Variants in ATG10 observed in about 807,000 individuals in gnomAD.
ATG10 encodes autophagy related 10.
In ATG10, 30 loss-of-function variants were observed where a neutral mutation model predicts 32.1. The observed-to-expected ratio is 0.94, with a 90% CI of 0.70 to 1.27. ATG10 has a LOEUF of 1.27. ATG10 is among the 50% of genes most tolerant of loss of function. The pLI, the probability that ATG10 is intolerant of heterozygous loss-of-function variation, is 0.00. For synonymous variants in ATG10, 87 were observed against 91.5 expected (o/e 0.95, Z 0.28); for missense variants, 233 against 262.3 (o/e 0.89, Z 0.77).
At chr5:82,200,832 A>C (rs1294671068) in intron 5 of ATG10, among the ~76,000 whole-genome samples, 1 of 150,826 alleles carries the variant, frequency 6.6e-6, no homozygotes, top group Non-Finnish European at 1.5e-5. Flanking sequence ...AGAGTTTTTA[A>C]TTTGTATGAA....
chr5:82,141,264 T>C (rs1305662214), intron 3 of ATG10, among the ~76,000 whole-genome samples: 1 of 152,048 alleles, frequency 6.6e-6, no homozygotes, highest in Non-Finnish European at 1.5e-5. Flanking sequence ...GAGTAGGATA[T>C]AGTAATTAAT....
At chr5:82,110,781 C>T (rs1033289771) in intron 3 of ATG10, among the ~76,000 whole-genome samples, 4 of 152,006 alleles carry the variant, frequency 2.6e-5, no homozygotes, top group Non-Finnish European at 5.9e-5. Context: ...GTTTCTTTTG[C>T]TGTGCAGAAG....
chr5:82,009,901 C>T (rs1762082422), intron 2 of ATG10: 1 of 1,610,328 alleles, frequency 6.2e-7, no homozygotes, highest in Non-Finnish European at 8.5e-7. Context: ...GTGAAGTCAC[C>T]ACCCTGACAC....
At chr5:82,058,184 A>G (rs1763661080) in intron 2 of ATG10, among the ~76,000 whole-genome samples, 1 of 152,192 alleles carries the variant, frequency 6.6e-6, no homozygotes, top group Non-Finnish European at 1.5e-5. Context: ...TTATGTGACA[A>G]GCTATTTCTA....
intron 3 of ATG10, among the ~76,000 whole-genome samples, chr5:82,100,772 G>GTTTTTT (rs61096885): frequency 4.4e-5 from 5 of 113,990 alleles, no homozygotes; most frequent in Non-Finnish European, 7.1e-5. Flanking sequence ...ACAAGAACTA[G>GTTTTTT]TTTTTTTTTT....
At chr5:82,066,507 G>T (rs1014760252) in intron 3 of ATG10, among the ~76,000 whole-genome samples, 2 of 152,120 alleles carry the variant, frequency 1.3e-5, no homozygotes, top group African/African-American at 2.4e-5. Flanking sequence ...TGGAAGAAAA[G>T]ATTTTTGTCT....
chr5:82,250,129 T>A (rs999606784), intron 5 of ATG10, among the ~76,000 whole-genome samples: 1 of 152,218 alleles, frequency 6.6e-6, no homozygotes, highest in Non-Finnish European at 1.5e-5. Flanking sequence ...ACATTTATCT[T>A]TTTTAAATCC....
chr5:82,141,113 G>T (rs1767108019), intron 3 of ATG10, among the ~76,000 whole-genome samples: 1 of 138,472 alleles, frequency 7.2e-6, no homozygotes, highest in Non-Finnish European at 1.5e-5. Flanking sequence ...CTCTGCCTAG[G>T]AAAACCAGAG....
At chr5:82,232,053 A>G (rs750295866) in intron 5 of ATG10, among the ~76,000 whole-genome samples, 6 of 152,322 alleles carry the variant, frequency 3.9e-5, no homozygotes, top group Non-Finnish European at 5.9e-5. Context: ...GTTGCCAGAC[A>G]TAAGTATCTG....
intron 1 of ATG10, among the ~76,000 whole-genome samples, chr5:81,978,083 T>C (rs866442700): frequency 1.2e-4 from 19 of 152,220 alleles, no homozygotes; most frequent in Non-Finnish European, 1.0e-4. Flanking sequence ...TTGGTCTTTT[T>C]TTTTGAGGCG....
At chr5:82,020,471 A>G (rs774826780) in intron 2 of ATG10, among the ~76,000 whole-genome samples, 3 of 152,350 alleles carry the variant, frequency 2.0e-5, no homozygotes, top group Admixed American at 1.3e-4. Flanking sequence ...ATATTGCTAC[A>G]TAATAAACCA....
At chr5:81,980,729 C>T (rs1050871249) in intron 1 of ATG10, among the ~76,000 whole-genome samples, 45 of 151,740 alleles carry the variant, frequency 3.0e-4, no homozygotes, top group African/African-American at 9.7e-4. Flanking sequence ...AGCTACCTGT[C>T]GCTCGCTGCA....
intron 2 of ATG10, among the ~76,000 whole-genome samples, chr5:82,009,348 C>A (rs1245904851): frequency 6.6e-6 from 1 of 151,898 alleles, no homozygotes; most frequent in Non-Finnish European, 1.5e-5. Flanking sequence ...GAGTTAATTT[C>A]ATCTTTAACT....
chr5:82,072,738 T>C (rs1014143165), intron 3 of ATG10, among the ~76,000 whole-genome samples: 1 of 152,216 alleles, frequency 6.6e-6, no homozygotes, highest in Non-Finnish European at 1.5e-5. Context: ...TAAAAGTCGA[T>C]CCACCTTCCA....
intron 5 of ATG10, among the ~76,000 whole-genome samples, chr5:82,235,072 C>T (rs1746502667): frequency 6.6e-6 from 1 of 152,180 alleles, no homozygotes; most frequent in Non-Finnish European, 1.5e-5. Context: ...TGCACAGACT[C>T]CTAGGGGATG....
intron 3 of ATG10, among the ~76,000 whole-genome samples, chr5:82,060,476 C>T (rs545521093): frequency 6.6e-6 from 1 of 152,152 alleles, no homozygotes; most frequent in South Asian, 2.1e-4. Flanking sequence ...TGGAAATATA[C>T]AATAGTAATG....
At chr5:82,135,583 A>G (rs1766700968) in intron 3 of ATG10, among the ~76,000 whole-genome samples, 1 of 152,168 alleles carries the variant, frequency 6.6e-6, no homozygotes, top group African/African-American at 2.4e-5. Context: ...CTGTGATCTG[A>G]GAGACTGTTA....
At chr5:82,098,739 A>G (rs1213417074) in intron 3 of ATG10, among the ~76,000 whole-genome samples, 4 of 152,184 alleles carry the variant, frequency 2.6e-5, no homozygotes, top group African/African-American at 4.8e-5. Flanking sequence ...TTCAGAATTG[A>G]CTAAGATTTG....
At chr5:82,162,820 G>A (rs1743413014) in intron 3 of ATG10, among the ~76,000 whole-genome samples, 1 of 137,410 alleles carries the variant, frequency 7.3e-6, no homozygotes, top group Admixed American at 7.4e-5. Flanking sequence ...ATGTATAGCA[G>A]GATTTAAGCA....
Sources: gnomAD v4.1 joint callset for allele counts (sites outside exome capture counted in the v4.1 genomes callset) on GRCh38, gnomAD v4.1.1 for gene constraint, MANE v1.5 for transcripts, NCBI Gene and HGNC (gene_info 2026-07-23, HGNC 2026-07-21) for gene names.